Variants in SNX29 observed in about 807,000 individuals in gnomAD.
SNX29 encodes sorting nexin 29, also known as sorting nexin-29.
In SNX29, 78 loss-of-function variants were observed where a neutral mutation model predicts 102.1. The ratio of observed to expected loss-of-function variants is 0.76; its 90% CI spans 0.64 to 0.92. SNX29 has a LOEUF of 0.92. SNX29 is among the 40% of genes least tolerant of loss of function. The pLI, the probability that SNX29 is intolerant of heterozygous loss-of-function variation, is 0.00. For missense variants in SNX29, 1,280 were observed against 1,061.7 expected (o/e 1.21, Z -2.86); for synonymous variants, 580 against 414.5 (o/e 1.40, Z -4.85).
At chr16:12,387,221 C>T (rs995650860) in intron 16 of SNX29, among the ~76,000 whole-genome samples, 2 of 152,180 alleles carry the variant, frequency 1.3e-5, no homozygotes, top group Non-Finnish European at 2.9e-5. Context: ...TGCTTCTGCA[C>T]TGATTGGGAG....
At chr16:12,535,227 C>T (rs1049145867) in intron 20 of SNX29, among the ~76,000 whole-genome samples, 23 of 152,204 alleles carry the variant, frequency 1.5e-4, no homozygotes, top group Non-Finnish European at 1.2e-4. Context: ...CAACCTCTGC[C>T]TCCTGGGCTC....
At chr16:12,177,337 G>A (rs1185272868) in intron 13 of SNX29, among the ~76,000 whole-genome samples, 1 of 152,186 alleles carries the variant, frequency 6.6e-6, no homozygotes, top group African/African-American at 2.4e-5. Flanking sequence ...TAGCTGTAAA[G>A]TAGTAGGAGG....
At chr16:12,402,747 C>A (rs2083996015) in intron 17 of SNX29, among the ~76,000 whole-genome samples, 1 of 152,194 alleles carries the variant, frequency 6.6e-6, no homozygotes, top group Non-Finnish European at 1.5e-5. Flanking sequence ...GTGGTAGGTG[C>A]TCAGTAAATT....
At chr16:12,384,940 G>T (rs895002903) in intron 16 of SNX29, among the ~76,000 whole-genome samples, 33 of 152,336 alleles carry the variant, frequency 2.2e-4, no homozygotes, top group African/African-American at 7.0e-4. Flanking sequence ...GGAGGCCGAG[G>T]CAGGTGGATC....
chr16:12,271,381 T>C (rs1350960097), intron 14 of SNX29, among the ~76,000 whole-genome samples: 2 of 152,194 alleles, frequency 1.3e-5, no homozygotes, highest in East Asian at 1.9e-4. Flanking sequence ...AGGAAGCTCG[T>C]AAGAATAAAT....
At chr16:12,507,108 C>T (rs779265204) in intron 19 of SNX29, among the ~76,000 whole-genome samples, 5 of 152,202 alleles carry the variant, frequency 3.3e-5, no homozygotes, top group Non-Finnish European at 7.3e-5. Flanking sequence ...TTGGGCACTG[C>T]AACTATTGTT....
Position 12,048,641 on chromosome 16 carries a change from G to C in SNX29, c.748+21G>C, listed in dbSNP as rs779107320. ...TGCTGGTGAGTGGGAACGGGTGCTC[G>C]AGGCGGAGCAGAGGGAATCAGAATG... On this transcript the variant is annotated intron_variant, in intron 7 of 20. Transcript: ENST00000566228. The C allele has an allele frequency of 4.3e-6, 7 of 1,613,938 alleles. 1 individual carries two copies. The South Asian group carries it at 7.7e-5, about 18-fold the overall frequency.
intron 15 of SNX29, among the ~76,000 whole-genome samples, chr16:12,292,802 C>G (rs1416457250): frequency 2.0e-5 from 3 of 152,224 alleles, no homozygotes; most frequent in Non-Finnish European, 4.4e-5. Flanking sequence ...TCTGTTGCCT[C>G]CCTGTTCTCT....
chr16:12,237,454 C>T (rs1205654411), intron 14 of SNX29, among the ~76,000 whole-genome samples: 1 of 152,234 alleles, frequency 6.6e-6, no homozygotes, highest in Non-Finnish European at 1.5e-5. Context: ...TCTGTTGTGA[C>T]AGCCATGCCC....
intron 20 of SNX29, among the ~76,000 whole-genome samples, chr16:12,532,339 G>T (rs1442609727): frequency 6.6e-6 from 1 of 152,202 alleles, no homozygotes; most frequent in Non-Finnish European, 1.5e-5. Context: ...TTGCTAGCAG[G>T]TGCCTGTGTT....
intron 11 of SNX29, among the ~76,000 whole-genome samples, chr16:12,092,853 TGTG>T (rs1180988811): frequency 2.0e-5 from 3 of 152,322 alleles, no homozygotes; most frequent in East Asian, 1.9e-4. Context: ...CCTTTACACA[TGTG>T]GTGACATTCA....
chr16:12,486,870 C>T (rs1177786635), intron 19 of SNX29, among the ~76,000 whole-genome samples: 1 of 152,144 alleles, frequency 6.6e-6, no homozygotes, highest in East Asian at 1.9e-4. Flanking sequence ...TAAGAACTTC[C>T]CTGTTAATCC....
intron 19 of SNX29, among the ~76,000 whole-genome samples, chr16:12,487,033 C>G (rs571935417): frequency 4.8e-4 from 73 of 152,256 alleles, no homozygotes; most frequent in African/African-American, 1.6e-3. Flanking sequence ...TGTGTGGCCT[C>G]GGGCACGTTA....
At chr16:12,141,970 G>A (rs368833018) in intron 13 of SNX29, among the ~76,000 whole-genome samples, 2 of 152,218 alleles carry the variant, frequency 1.3e-5, no homozygotes. Context: ...ATTCCAGATG[G>A]AGCTGTTATG....
intron 20 of SNX29, among the ~76,000 whole-genome samples, chr16:12,552,033 G>T (rs959625938): frequency 6.6e-6 from 1 of 152,082 alleles, no homozygotes; most frequent in East Asian, 1.9e-4. Flanking sequence ...GCAAGTCCAG[G>T]CTCAGATGGG....
chr16:12,188,533 G>C (rs1248897472), intron 13 of SNX29, among the ~76,000 whole-genome samples: 1 of 152,148 alleles, frequency 6.6e-6, no homozygotes, highest in Non-Finnish European at 1.5e-5. Context: ...TTGCACCCAG[G>C]ATATTTTGGG....
Position 12,129,549 on chromosome 16 carries a change from G to C in SNX29, c.1467-81G>C. Reference sequence around the variant, plus strand: ...GTGGAAAACGCATGGCTTAGGACTTGACTTATGTTAGGAACTGTGTCCTGG... The same window carrying C: ...GTGGAAAACGCATGGCTTAGGACTTCACTTATGTTAGGAACTGTGTCCTGG... On this transcript the variant is annotated intron_variant, in intron 12 of 20. Coordinates refer to ENST00000566228, the MANE Select transcript of SNX29 (RefSeq NM_032167.5). 2.7e-6 allele frequency: 4 copies of C among 1,494,490 alleles called. No individual in the cohort carries two copies. The South Asian group carries it at 4.1e-5, about 15-fold the overall frequency. 92.6% of individuals were successfully genotyped at this position (1,494,490 alleles called of 1,614,324 possible). A position where few individuals can be genotyped will look rare whatever the true frequency, so the allele number is the denominator to read the frequency against.
At chr16:12,308,918 G>A (rs62039967) in intron 15 of SNX29, among the ~76,000 whole-genome samples, 1 of 152,232 alleles carries the variant, frequency 6.6e-6, no homozygotes, top group Non-Finnish European at 1.5e-5. Flanking sequence ...CATGTAGGAA[G>A]GAGAGAATGA....
intron 15 of SNX29, among the ~76,000 whole-genome samples, chr16:12,280,981 C>T (rs1319690999): frequency 1.3e-5 from 2 of 152,194 alleles, no homozygotes; most frequent in African/African-American, 4.8e-5. Flanking sequence ...AGCCTTGGCT[C>T]ACTGCAGCCT....
Sources: allele counts gnomAD v4.1 joint callset (sites outside exome capture counted in the v4.1 genomes callset), GRCh38; gene constraint gnomAD v4.1.1; transcripts MANE v1.5; gene names NCBI Gene and HGNC (gene_info 2026-07-23, HGNC 2026-07-21).